RXRG: variants seen among roughly 807,000 people sequenced by gnomAD.
The protein encoded by RXRG is retinoic acid receptor RXR-gamma.
Under a neutral mutation model 49.2 loss-of-function variants are expected in RXRG, and 19 were observed. The ratio of observed to expected loss-of-function variants is 0.39; its 90% CI spans 0.27 to 0.57. The LOEUF is 0.57. Ranked by LOEUF, RXRG falls within the 20% of genes least tolerant of loss-of-function variation. The probability of loss-of-function intolerance (pLI) is 0.64; values close to 1 mark genes in which losing one functional copy is unlikely to be tolerated. For missense variants in RXRG, 452 were observed against 592.5 expected (o/e 0.76, Z 2.46); for synonymous variants, 224 against 216.6 (o/e 1.03, Z -0.30).
intron 1 of RXRG, among the ~76,000 whole-genome samples, chr1:165,441,482 A>G (rs1288713407): frequency 6.6e-6 from 1 of 152,228 alleles, no homozygotes; most frequent in Non-Finnish European, 1.5e-5. Context: ...TTTTCTAGCT[A>G]TAAGACCTTA....
At chr1:165,402,806 C>T (rs1657624590) in intron 9 of RXRG, among the ~76,000 whole-genome samples, 1 of 152,172 alleles carries the variant, frequency 6.6e-6, no homozygotes, top group South Asian at 2.1e-4. Flanking sequence ...CACATGTTTG[C>T]ACACGCATCC....
chr1:165,419,829 C>T (rs957577344), intron 3 of RXRG, 41 bp downstream of exon 3: 15 of 1,527,678 alleles, frequency 9.8e-6, no homozygotes, highest in Non-Finnish European at 1.2e-5. Context: ...GCAGCCCCTT[C>T]TCTGTGGCAC....
chr1:165,444,953 G>T lies in RXRG; in HGVS notation c.-60C>A. The T allele has an allele frequency of 6.6e-7, 1 of 1,520,174 alleles. No homozygotes were observed. Among genetic ancestry groups the T allele is most frequent in the African/African-American group, 1.4e-5 (1 of 73,060 alleles). 94.2% of individuals were successfully genotyped at this position (1,520,174 alleles called of 1,614,324 possible). On this transcript the variant is annotated 5_prime_UTR_variant, in exon 1 of 10. Transcript: ENST00000359842. ...GCTTCTAAATATTACCGCCTCTCTC[G>T]GCTCCCAGGCACAGCCCGGCTTTCT...
At chr1:165,428,407 G>A (rs1435992189) in intron 2 of RXRG, among the ~76,000 whole-genome samples, 1 of 152,214 alleles carries the variant, frequency 6.6e-6, no homozygotes. Context: ...TGATTGAATT[G>A]AGAAGAATAA....
At chr1:165,440,498 C>T (rs1831002) in intron 1 of RXRG, among the ~76,000 whole-genome samples, 117,190 of 152,124 alleles carry the variant, frequency 0.77, 46,121 homozygotes, top group South Asian at 0.9. Flanking sequence ...AATGCTCCAA[C>T]GAGCATTTCC....
At chr1:165,408,550 G>T (rs1221502630) in intron 7 of RXRG, among the ~76,000 whole-genome samples, 1 of 152,166 alleles carries the variant, frequency 6.6e-6, no homozygotes, top group Non-Finnish European at 1.5e-5. Context: ...GAATATAACT[G>T]CCATGAGCAA....
At chr1:165,409,510 CA>C in intron 7 of RXRG, 47 bp downstream of exon 7, 2 of 1,387,556 alleles carry the variant, frequency 1.4e-6, no homozygotes, top group Non-Finnish European at 1.9e-6. Flanking sequence ...CACACACACA[CA>C]CACACACACA....
chr1:165,410,881 C>T (rs1657920384), intron 5 of RXRG, 50 bp from the exon 6 acceptor site: 1 of 1,613,580 alleles, frequency 6.2e-7, no homozygotes. Context: ...GACTCAAATA[C>T]ACCCCTTTCT....
At chr1:165,406,993 T>C in intron 8 of RXRG, 76 bp from the exon 9 acceptor site, 1 of 1,013,354 alleles carries the variant, frequency 9.9e-7, no homozygotes, top group Non-Finnish European at 1.5e-6. Flanking sequence ...CTGGCCACTC[T>C]CTGTAGAGTT....
chr1:165,429,199 C>T (rs976220698), intron 1 of RXRG, among the ~76,000 whole-genome samples: 1 of 152,166 alleles, frequency 6.6e-6, no homozygotes, highest in Non-Finnish European at 1.5e-5. Flanking sequence ...TGGATGTTCT[C>T]TGGGGCCCAG....
At chr1:165,417,635 T>C (rs1246876160) in intron 3 of RXRG, among the ~76,000 whole-genome samples, 5 of 152,220 alleles carry the variant, frequency 3.3e-5, no homozygotes, top group African/African-American at 1.2e-4. Context: ...CTAATTATAA[T>C]TGAGACCCAA....
chr1:165,408,234 A>C lies in RXRG; in HGVS notation c.1131T>G (p.Phe377Leu). The change falls in exon 8 of 10, where the codon TTT becomes TTG. Residue 377 changes from phenylalanine to leucine, a missense_variant. Physicochemically the swap from Phe to Leu is conservative, Grantham distance 22 (BLOSUM62 0). Around this residue, in one of 2 missense-constraint regions of RXRG, gnomAD observed 286 missense variants for 440.9 expected, o/e 0.65. Transcript: ENST00000359842. ...ELGCLRAIVL[F>L]NPDAKGLSNP... ...GGGTTGAAGGGCGGTTACCTGGGTT[A>C]AAGAGTACAATGGCTCGCAGGCATC... 6.2e-7 allele frequency: 1 copy of C among 1,613,592 alleles called. No individual in the cohort carries two copies. The highest frequency in any genetic ancestry group is 8.5e-7 in the Non-Finnish European group (1 of 1,179,484).
chr1:165,422,222 G>C (rs1658342837), intron 2 of RXRG, among the ~76,000 whole-genome samples: 1 of 152,224 alleles, frequency 6.6e-6, no homozygotes, highest in Non-Finnish European at 1.5e-5. Flanking sequence ...TCTATGGAAA[G>C]CTTGCTCAGT....
At chr1:165,404,962 T>A (rs906486425) in intron 9 of RXRG, among the ~76,000 whole-genome samples, 6 of 152,178 alleles carry the variant, frequency 3.9e-5, no homozygotes, top group Non-Finnish European at 8.8e-5. Context: ...TTTCTACATG[T>A]TGGTCAGGCT....
In RXRG at chr1:165,420,039, A is replaced by G. The variant is rs771996003; in HGVS notation, c.298-25T>C. 7 of 1,563,432 alleles carry G rather than the reference A, an allele frequency of 4.5e-6. No individual in the cohort carries two copies. In the African/African-American group the frequency reaches 8.2e-5, roughly 18 times the overall value. ...GCTGCAAGAGAAAAAAATACTGTAA[A>G]GCACAGAGCCAGAGTAAATTCAATC... is the stretch of plus-strand genomic sequence containing the variant. On this transcript the variant is annotated intron_variant, in intron 2 of 9. Coordinates refer to ENST00000359842, the MANE Select transcript of RXRG (RefSeq NM_006917.5).
chr1:165,408,209 G>C lies in RXRG; in HGVS notation c.1138+18C>G, dbSNP rs1482295729. Reference sequence around the variant, plus strand: ...GAGGGCTGAACACACACATCCCCTGGGGTTGAAGGGCGGTTACCTGGGTTA... The same window carrying C: ...GAGGGCTGAACACACACATCCCCTGCGGTTGAAGGGCGGTTACCTGGGTTA... On this transcript the variant is annotated intron_variant, in intron 8 of 9. Coordinates refer to ENST00000359842, the MANE Select transcript of RXRG (RefSeq NM_006917.5). 6.3e-7 allele frequency: 1 copy of C among 1,594,320 alleles called. No homozygotes were observed. The highest frequency in any genetic ancestry group is 8.6e-7 in the Non-Finnish European group (1 of 1,161,808).
At chr1:165,401,567 A>G (rs977164389) in intron 9 of RXRG, among the ~76,000 whole-genome samples, 157 bp from the exon 10 acceptor site, 6 of 152,204 alleles carry the variant, frequency 3.9e-5, no homozygotes, top group African/African-American at 1.4e-4. Flanking sequence ...AAGCCTAAAG[A>G]GCTTCAGAAA....
At chr1:165,406,720 C>T in intron 9 of RXRG, 92 bp downstream of exon 9, 1 of 909,544 alleles carries the variant, frequency 1.1e-6, no homozygotes, top group South Asian at 1.4e-5. Flanking sequence ...TTTAAAAACA[C>T]CTAAACAGTG....
chr1:165,402,720 GCA>G (rs1446668573), intron 9 of RXRG, among the ~76,000 whole-genome samples: 9 of 151,026 alleles, frequency 6.0e-5, no homozygotes, highest in Non-Finnish European at 1.2e-4. Context: ...ACATGTGCCT[GCA>G]CACACACCTT....
Sources: allele counts gnomAD v4.1 joint callset (sites outside exome capture counted in the v4.1 genomes callset), GRCh38; gene constraint gnomAD v4.1.1; regional missense constraint gnomAD v4.1.1; transcripts MANE v1.5; gene names NCBI Gene and HGNC (gene_info 2026-07-23, HGNC 2026-07-21).